HMGB1: variants seen among roughly 807,000 people sequenced by gnomAD.
HMGB1 encodes the protein high mobility group protein B1.
For synonymous variants in HMGB1, 81 were observed against 84.0 expected (o/e 0.96, Z 0.19); for missense variants, 79 against 253.5 (o/e 0.31, Z 4.67).
At chr13:30,589,642 GA>G (rs775951594) in intron 1 of HMGB1, among the ~76,000 whole-genome samples, 2 of 152,172 alleles carry the variant, frequency 1.3e-5, no homozygotes, top group Non-Finnish European at 2.9e-5. Context: ...GCTGAGGCAG[GA>G]AGATCACTTG....
intron 1 of HMGB1, among the ~76,000 whole-genome samples, chr13:30,496,846 A>T (rs7988478): frequency 6.6e-6 from 1 of 152,066 alleles, no homozygotes; most frequent in Non-Finnish European, 1.5e-5. Flanking sequence ...CCACACAGAC[A>T]TTCCTTCCAT....
rs1886005572 is a variant in HMGB1 at position 30,456,767 on chromosome 13, G to GGGGGGT, written c.*4584_*4589dup. 2.9e-5 allele frequency: 3 copies of GGGGGGT among 103,184 alleles called. No homozygotes were observed. Among genetic ancestry groups the GGGGGGT allele is most frequent in the African/African-American group, 1.2e-4 (3 of 25,716 alleles). 6.4% of individuals were successfully genotyped at this position (103,184 alleles called of 1,614,324 possible). On this transcript the variant is annotated 3_prime_UTR_variant, in exon 5 of 5. Coordinates refer to ENST00000341423, the MANE Select transcript of HMGB1 (RefSeq NM_002128.7). ...AATAACAGCTTTTGTGGGCGGGGGG[G>GGGGGGT]GGGGGTGGTGGGGTGCAATTTATCA...
chr13:30,521,620 G>A (rs1395571704), intron 1 of HMGB1, among the ~76,000 whole-genome samples: 1 of 152,198 alleles, frequency 6.6e-6, no homozygotes, highest in African/African-American at 2.4e-5. Context: ...CTCATCAGTT[G>A]ATGGACACAT....
chr13:30,617,263 C>A (rs1950575842), exon 1 of HMGB1: 1 of 152,384 alleles, frequency 6.6e-6, no homozygotes, highest in African/African-American at 2.4e-5. Context: ...ACCCCAGAAT[C>A]CTGGTAGAAA....
At chr13:30,564,712 A>C (rs553384938) in intron 1 of HMGB1, among the ~76,000 whole-genome samples, 1 of 152,240 alleles carries the variant, frequency 6.6e-6, no homozygotes, top group Non-Finnish European at 1.5e-5. Flanking sequence ...ATGTACTTTT[A>C]TCTCTCCAAC....
chr13:30,605,932 C>A (rs1950454033), intron 1 of HMGB1, among the ~76,000 whole-genome samples: 1 of 152,094 alleles, frequency 6.6e-6, no homozygotes, highest in South Asian at 2.1e-4. Context: ...AAAATAAGTC[C>A]ATTCTCCTAC....
At chr13:30,550,517 C>T (rs1430232246) in intron 1 of HMGB1, among the ~76,000 whole-genome samples, 2 of 152,148 alleles carry the variant, frequency 1.3e-5, no homozygotes, top group African/African-American at 4.8e-5. Flanking sequence ...TGTCGTACTT[C>T]CTTAATGTAG....
rs1412943381 is a variant in HMGB1, at chr13:30,456,800, C to T, written c.*4557G>A. ...GTGGGGTGCAATTTATCAACATCTTCCAAAATGTTAAATGCAAATGTCTTT... is the reference window on the plus strand; with the variant it reads ...GTGGGGTGCAATTTATCAACATCTTTCAAAATGTTAAATGCAAATGTCTTT... On this transcript the variant is annotated 3_prime_UTR_variant, in exon 5 of 5. Coordinates refer to ENST00000341423, the MANE Select transcript of HMGB1 (RefSeq NM_002128.7). 7.8e-6 allele frequency: 1 copy of T among 128,390 alleles called. No individual in the cohort carries two copies. The highest frequency in any genetic ancestry group is 1.6e-5 in the Non-Finnish European group (1 of 63,466). The allele number at this position is 128,390 out of a possible 1,614,324, so 8.0% of individuals were successfully genotyped here. A position where few individuals can be genotyped will look rare whatever the true frequency, so the allele number is the denominator to read the frequency against.
intron 1 of HMGB1, among the ~76,000 whole-genome samples, chr13:30,572,268 C>T (rs559060155): frequency 3.3e-5 from 5 of 152,240 alleles, no homozygotes; most frequent in East Asian, 1.9e-4. Flanking sequence ...TAGAATGCAA[C>T]GACATCTCAG....
At chr13:30,602,051 C>T (rs760822870) in intron 1 of HMGB1, among the ~76,000 whole-genome samples, 20 of 152,030 alleles carry the variant, frequency 1.3e-4, no homozygotes, top group South Asian at 2.1e-4. Flanking sequence ...CATGTACGAG[C>T]GTACAAGCCA....
intron 1 of HMGB1, among the ~76,000 whole-genome samples, chr13:30,601,745 CAAAAAAAAAAAAAAAAAAAAAAAAAA>C (rs914063726): frequency 1.1e-3 from 4 of 3,544 alleles, no homozygotes; most frequent in Non-Finnish European, 1.6e-3. Context: ...GACTCCGTCT[CAAAAAAAAAAAAAAAAAAAAAAAAAA>C]AAAAAAAAAA....
At chr13:30,591,840 A>G (rs1388443451) in intron 1 of HMGB1, among the ~76,000 whole-genome samples, 2 of 152,198 alleles carry the variant, frequency 1.3e-5, no homozygotes, top group African/African-American at 2.4e-5. Context: ...CAATATAGAC[A>G]AGAAATAACC....
intron 1 of HMGB1, among the ~76,000 whole-genome samples, chr13:30,577,623 C>T (rs570235157): frequency 6.6e-6 from 1 of 152,320 alleles, no homozygotes; most frequent in East Asian, 1.9e-4. Context: ...AGAGTCAGAT[C>T]ACTGCGGATT....
Position 30,457,673 on chromosome 13 carries a change from G to A in HMGB1, c.*3684C>T, listed in dbSNP as rs1485128729. Reference sequence around the variant, plus strand: ...TAGACTGAACCCCCCTGGAAGACGAGCATTACATATTCTGGAGTGTGGCAT... The same window carrying A: ...TAGACTGAACCCCCCTGGAAGACGAACATTACATATTCTGGAGTGTGGCAT... On this transcript the variant is annotated 3_prime_UTR_variant, in exon 5 of 5. Coordinates refer to ENST00000341423, the MANE Select transcript of HMGB1 (RefSeq NM_002128.7). 6.6e-6 allele frequency: 1 copy of A among 152,210 alleles called. No individual in the cohort carries two copies. Among genetic ancestry groups the A allele is most frequent in the Non-Finnish European group, 1.5e-5 (1 of 68,050 alleles). 9.4% of individuals were successfully genotyped at this position (152,210 alleles called of 1,614,324 possible).
upstream of HMGB1, chr13:30,466,087 G>T: frequency 3.1e-6 from 1 of 325,582 alleles, no homozygotes. Flanking sequence ...GCGCAAATCT[G>T]AATGTGTGTG....
intron 1 of HMGB1, among the ~76,000 whole-genome samples, chr13:30,543,871 T>C (rs74758111): frequency 0.031 from 4,693 of 152,328 alleles, 206 homozygotes; most frequent in African/African-American, 0.11. Context: ...TTAGCAGTTT[T>C]TCCTTCAATC....
At chr13:30,562,680 T>C (rs1440774332) in intron 1 of HMGB1, among the ~76,000 whole-genome samples, 1 of 152,032 alleles carries the variant, frequency 6.6e-6, no homozygotes, top group Non-Finnish European at 1.5e-5. Context: ...ATCTAAGAGG[T>C]ACAAAGACTT....
At chr13:30,462,485 C>G (rs1886415562) in intron 4 of HMGB1, 53 bp downstream of exon 4, 1 of 1,397,542 alleles carries the variant, frequency 7.2e-7, no homozygotes, top group African/African-American at 1.4e-5. Flanking sequence ...TAAGTACAAT[C>G]ATACATCTGG....
intron 1 of HMGB1, among the ~76,000 whole-genome samples, chr13:30,552,930 C>T (rs577504566): frequency 1.3e-5 from 2 of 152,308 alleles, no homozygotes; most frequent in South Asian, 4.1e-4. Flanking sequence ...TAGTTTCTGG[C>T]CCCAGGGCTA....
Sources: allele counts gnomAD v4.1 joint callset (sites outside exome capture counted in the v4.1 genomes callset), GRCh38; gene constraint gnomAD v4.1.1; transcripts MANE v1.5; gene names NCBI Gene and HGNC (gene_info 2026-07-23, HGNC 2026-07-21).